Variants in SLC44A3 observed in about 807,000 individuals in gnomAD.
SLC44A3 encodes solute carrier family 44 member 3, also known as choline transporter-like protein 3.
Under a neutral mutation model 75.4 loss-of-function variants are expected in SLC44A3, and 74 were observed. That is an observed-to-expected ratio of 0.98 (90% CI 0.81 to 1.19). The LOEUF is 1.19. Ranked by LOEUF, SLC44A3 falls within the 50% of genes most tolerant of loss-of-function variation. The pLI is 0.00. For synonymous variants in SLC44A3, 310 were observed against 296.9 expected (o/e 1.04, Z -0.45); for missense variants, 700 against 778.6 (o/e 0.90, Z 1.20).
rs1393889183 is a variant in SLC44A3, at chr1:94,857,459, A to G, written c.1197A>G (p.Gln399=). The part of the protein sequence containing the change: ...WTSEFILACQ[Q]MTIAGAVVTC... ...GTGAATTCATCCTTGCGTGCCAGCA[A>G]ATGACTATAGCTGGGGCAGTGGTTA... is the stretch of plus-strand genomic sequence containing the variant. The change falls in exon 10 of 15, where the codon CAA becomes CAG. Residue 399 remains glutamine (Q), a synonymous_variant. Coordinates refer to ENST00000271227, the MANE Select transcript of SLC44A3 (RefSeq NM_001114106.3). The G allele has an allele frequency of 1.2e-6, 2 of 1,613,720 alleles. No individual in the cohort carries two copies. Among genetic ancestry groups the G allele is most frequent in the African/African-American group, 1.3e-5 (1 of 74,918 alleles).
At chr1:94,826,283 A>G (rs569293783) in intron 3 of SLC44A3, among the ~76,000 whole-genome samples, 1 of 152,346 alleles carries the variant, frequency 6.6e-6, no homozygotes, top group African/African-American at 2.4e-5. Context: ...CAGTTTGGGA[A>G]GATGAGTTCT....
At chr1:94,841,970 C>T (rs181161301) in intron 7 of SLC44A3, 30 bp from the exon 8 acceptor site, 2 of 1,593,040 alleles carry the variant, frequency 1.3e-6, no homozygotes, top group East Asian at 2.3e-5. Flanking sequence ...TGGCGTGTGC[C>T]CTGAGCTCTG....
intron 12 of SLC44A3, among the ~76,000 whole-genome samples, chr1:94,881,671 T>C (rs529382982): frequency 4.0e-5 from 6 of 148,908 alleles, no homozygotes; most frequent in African/African-American, 1.5e-4. Flanking sequence ...GCCACTGCAC[T>C]GAAGCCTGGG....
chr1:94,821,974 TG>T (rs1368761412), intron 2 of SLC44A3, among the ~76,000 whole-genome samples: 1 of 152,206 alleles, frequency 6.6e-6, no homozygotes, highest in Non-Finnish European at 1.5e-5. Flanking sequence ...CATAATCAGA[TG>T]TTTTTTGTTG....
rs1274839176 is a variant in SLC44A3 at position 94,820,406 on chromosome 1, A to G, written c.-46A>G. The G allele has an allele frequency of 3.6e-5, 52 of 1,438,916 alleles. No homozygotes were observed. The highest frequency in any genetic ancestry group is 4.6e-5 in the Non-Finnish European group (51 of 1,099,284). 89.1% of individuals were successfully genotyped at this position (1,438,916 alleles called of 1,614,324 possible). ...CGGGCGCTGCGTCTCCGCGTACAGG[A>G]GGCGGCGGCGGCTCCCAGTCACCGG... On this transcript the variant is annotated 5_prime_UTR_variant, in exon 1 of 15. Coordinates refer to ENST00000271227, the MANE Select transcript of SLC44A3 (RefSeq NM_001114106.3).
At chr1:94,824,210 G>GA (rs1557794990) in intron 2 of SLC44A3, among the ~76,000 whole-genome samples, 1 of 152,108 alleles carries the variant, frequency 6.6e-6, no homozygotes, top group African/African-American at 2.4e-5. Context: ...AAAGAAAAAT[G>GA]ATAGACTCTT....
intron 14 of SLC44A3, among the ~76,000 whole-genome samples, 195 bp downstream of exon 14, chr1:94,892,712 C>A (rs1332487140): frequency 6.6e-6 from 1 of 152,108 alleles, no homozygotes; most frequent in Non-Finnish European, 1.5e-5. Flanking sequence ...TTTCTGAGAA[C>A]CTTCTCCCTG....
Position 94,892,370 on chromosome 1 carries a change from G to T in SLC44A3, c.1710G>T (p.Leu570Phe). ...AGGTGTGGGCAGTCCCTCTGTTATTGGTAGCTTTTTTTGCCTACTTAGTAG... is the reference window on the plus strand; with the variant it reads ...AGGTGTGGGCAGTCCCTCTGTTATTTGTAGCTTTTTTTGCCTACTTAGTAG... The part of the protein sequence containing the change: ...AFQVWAVPLL[L>F]VAFFAYLVAH... The change falls in exon 14 of 15, where the codon TTG becomes TTT. Residue 570 changes from leucine to phenylalanine, a missense_variant. By Grantham distance (22) the Leu-to-Phe change is conservative (BLOSUM62 0). Coordinates refer to ENST00000271227, the MANE Select transcript of SLC44A3 (RefSeq NM_001114106.3). 1 of 1,614,114 alleles carries T rather than the reference G, an allele frequency of 6.2e-7. No homozygotes were observed. Among genetic ancestry groups the T allele is most frequent in the Non-Finnish European group, 8.5e-7 (1 of 1,180,016 alleles).
intron 12 of SLC44A3, among the ~76,000 whole-genome samples, chr1:94,878,967 C>T (rs116543762): frequency 0.011 from 1,621 of 152,184 alleles, 24 homozygotes; most frequent in African/African-American, 0.037. Context: ...CTATAAAACT[C>T]TTAGAATAAA....
At chr1:94,877,371 C>T (rs1205474841) in intron 12 of SLC44A3, among the ~76,000 whole-genome samples, 1 of 152,116 alleles carries the variant, frequency 6.6e-6, no homozygotes, top group Non-Finnish European at 1.5e-5. Flanking sequence ...GAATTGAAGA[C>T]TGGATGTCTT....
intron 12 of SLC44A3, among the ~76,000 whole-genome samples, chr1:94,873,347 G>A (rs987964766): frequency 1.1e-4 from 16 of 152,152 alleles, no homozygotes; most frequent in African/African-American, 3.9e-4. Flanking sequence ...TGTACAGATT[G>A]TTGCCTCTTG....
At chr1:94,874,053 G>A (rs916952974) in intron 12 of SLC44A3, among the ~76,000 whole-genome samples, 3 of 152,094 alleles carry the variant, frequency 2.0e-5, no homozygotes, top group Non-Finnish European at 2.9e-5. Context: ...TCGTGTGTGC[G>A]TGCTTCAGAA....
At chr1:94,853,463 C>A (rs112326349) in intron 9 of SLC44A3, among the ~76,000 whole-genome samples, 19 of 151,942 alleles carry the variant, frequency 1.3e-4, no homozygotes, top group African/African-American at 4.6e-4. Context: ...GAGATAGTTG[C>A]GAATGATTCA....
chr1:94,857,526 G>C (rs764758024), intron 10 of SLC44A3, 26 bp downstream of exon 10: 1 of 1,594,500 alleles, frequency 6.3e-7, no homozygotes, highest in Non-Finnish European at 8.5e-7. Context: ...TTTTTCTATT[G>C]GTTTGTCTAT....
intron 5 of SLC44A3, 135 bp downstream of exon 5, chr1:94,828,721 G>A (rs887704541): frequency 6.1e-6 from 4 of 656,304 alleles, no homozygotes; most frequent in Non-Finnish European, 1.0e-5. Flanking sequence ...TACAGTCTAC[G>A]GAGGCCAGCG....
intron 12 of SLC44A3, among the ~76,000 whole-genome samples, chr1:94,875,772 G>T (rs2101565766): frequency 6.6e-6 from 1 of 152,298 alleles, no homozygotes; most frequent in South Asian, 2.1e-4. Context: ...CTAATCCAAG[G>T]AGTTGCCATT....
At chr1:94,888,359 G>A (rs1381042242) in intron 12 of SLC44A3, among the ~76,000 whole-genome samples, 1 of 152,158 alleles carries the variant, frequency 6.6e-6, no homozygotes, top group Non-Finnish European at 1.5e-5. Flanking sequence ...CTTGATCTTG[G>A]TTTCCAGTCT....
At chr1:94,842,152 C>A (rs756229649) in intron 8 of SLC44A3, 28 bp downstream of exon 8, 10 of 1,570,846 alleles carry the variant, frequency 6.4e-6, no homozygotes, top group South Asian at 1.2e-5. Flanking sequence ...AGCAGTAGGT[C>A]AGGTAGCCAG....
intron 2 of SLC44A3, among the ~76,000 whole-genome samples, chr1:94,822,352 A>G (rs1660727197): frequency 6.6e-6 from 1 of 152,236 alleles, no homozygotes; most frequent in African/African-American, 2.4e-5. Context: ...ATAAGTCTGA[A>G]GTTTTAATAT....
Sources: gnomAD v4.1 joint callset for allele counts (sites outside exome capture counted in the v4.1 genomes callset) on GRCh38, gnomAD v4.1.1 for gene constraint, MANE v1.5 for transcripts, NCBI Gene and HGNC (gene_info 2026-07-23, HGNC 2026-07-21) for gene names.